Variants in PTPRO observed in about 807,000 individuals in gnomAD.
PTPRO encodes protein tyrosine phosphatase receptor type O.
Under a neutral mutation model 145.2 loss-of-function variants are expected in PTPRO, and 62 were observed. That is an observed-to-expected ratio of 0.43 (90% CI 0.35 to 0.53). The LOEUF (loss-of-function observed/expected upper bound fraction) is 0.53, where lower values mean the gene tolerates loss of function less well. Among genes scored for constraint, PTPRO ranks in the 20% least tolerant of loss-of-function variants. The pLI, the probability that PTPRO is intolerant of heterozygous loss-of-function variation, is 0.01. For synonymous variants in PTPRO, 565 were observed against 514.7 expected (o/e 1.10, Z -1.32); for missense variants, 1,345 against 1,482.7 (o/e 0.91, Z 1.53).
At chr12:15,458,533 AT>A (rs911777475) in intron 1 of PTPRO, among the ~76,000 whole-genome samples, 5 of 149,122 alleles carry the variant, frequency 3.4e-5, no homozygotes, top group African/African-American at 9.9e-5. Context: ...ACTCTTTTTC[AT>A]TTTTTTCTTT....
chr12:15,401,697 T>C (rs1477095569), intron 1 of PTPRO, among the ~76,000 whole-genome samples: 3 of 152,158 alleles, frequency 2.0e-5, no homozygotes, highest in Non-Finnish European at 4.4e-5. Context: ...ATTTCATAGG[T>C]CAATTTCATT....
At chr12:15,527,631 G>A (rs1270089138) in intron 12 of PTPRO, among the ~76,000 whole-genome samples, 1 of 152,200 alleles carries the variant, frequency 6.6e-6, no homozygotes, top group Non-Finnish European at 1.5e-5. Context: ...CACACTGCCA[G>A]GATAATTCCT....
At chr12:15,465,227 T>G (rs1271372775) in intron 1 of PTPRO, among the ~76,000 whole-genome samples, 1 of 152,238 alleles carries the variant, frequency 6.6e-6, no homozygotes, top group Non-Finnish European at 1.5e-5. Context: ...CATATTGTTG[T>G]TCCAGCCTTC....
At chr12:15,532,100 A>G (rs76379153) in intron 12 of PTPRO, among the ~76,000 whole-genome samples, 1 of 152,194 alleles carries the variant, frequency 6.6e-6, no homozygotes, top group Non-Finnish European at 1.5e-5. Context: ...AACTCAATGC[A>G]TAGGTCACTG....
At chr12:15,401,827 C>G (rs1453097331) in intron 1 of PTPRO, among the ~76,000 whole-genome samples, 1 of 152,114 alleles carries the variant, frequency 6.6e-6, no homozygotes, top group African/African-American at 2.4e-5. Context: ...CCTGAACATT[C>G]AATTTTCTAT....
chr12:15,363,613 G>A (rs1425985703), intron 1 of PTPRO, among the ~76,000 whole-genome samples: 4 of 151,732 alleles, frequency 2.6e-5, no homozygotes, highest in Non-Finnish European at 2.9e-5. Context: ...GAATTTAGAA[G>A]CTATATTTGA....
intron 1 of PTPRO, among the ~76,000 whole-genome samples, chr12:15,370,346 C>G (rs549130478): frequency 9.3e-5 from 14 of 150,452 alleles, no homozygotes; most frequent in African/African-American, 3.4e-4. Context: ...AATTTCACAT[C>G]TGTCATAACC....
chr12:15,469,533 T>C lies in PTPRO; in HGVS notation c.76-14441T>C, dbSNP rs76343298. Reference sequence around the variant, plus strand: ...CAGCCAAGCACAGCTTCCAGGTCTTTAAACTTCTCAGCACAGTAGGCCCTA... The same window carrying C: ...CAGCCAAGCACAGCTTCCAGGTCTTCAAACTTCTCAGCACAGTAGGCCCTA... On this transcript the variant is annotated intron_variant, in intron 1 of 26. Transcript: ENST00000281171. Among the ~76,000 whole-genome samples, 794 of 152,222 alleles carry C rather than the reference T, an allele frequency of 5.2e-3. 55 individuals are homozygous for C. In the East Asian group the frequency reaches 0.14, roughly 26 times the overall value.
intron 7 of PTPRO, among the ~76,000 whole-genome samples, chr12:15,514,547 C>T (rs892538990): frequency 1.3e-5 from 2 of 151,452 alleles, no homozygotes; most frequent in Non-Finnish European, 2.9e-5. Context: ...GCTACAACAG[C>T]CTGGCAGGGT....
chr12:15,322,642 G>A lies in PTPRO; in HGVS notation c.-85G>A. 1 of 1,195,070 alleles carries A rather than the reference G, an allele frequency of 8.4e-7. No individual in the cohort carries two copies. The highest frequency in any genetic ancestry group is 1.2e-6 in the Non-Finnish European group (1 of 822,536). The allele number at this position is 1,195,070 out of a possible 1,614,324, so 74.0% of individuals were successfully genotyped here. Reference sequence around the variant, plus strand: ...GCAACCTCGGCGCCCAGGGTCTGAGGCTGCAGCCCCAGTTCGCCATTGTGA... The same window carrying A: ...GCAACCTCGGCGCCCAGGGTCTGAGACTGCAGCCCCAGTTCGCCATTGTGA... On this transcript the variant is annotated 5_prime_UTR_variant, in exon 1 of 27. Transcript: ENST00000281171. The surrounding 1 kb of genome is among the most constrained non-coding windows in gnomAD (Gnocchi z 6.3).
At chr12:15,342,398 T>C (rs1389607546) in intron 1 of PTPRO, among the ~76,000 whole-genome samples, 1 of 150,140 alleles carries the variant, frequency 6.7e-6, no homozygotes, top group Non-Finnish European at 1.5e-5. Flanking sequence ...ATCTTTCATA[T>C]GTTATATTTG....
intron 1 of PTPRO, among the ~76,000 whole-genome samples, chr12:15,413,177 G>GC (rs1235156424): frequency 6.6e-6 from 1 of 151,842 alleles, no homozygotes; most frequent in East Asian, 1.9e-4. Flanking sequence ...TGCAACCTCT[G>GC]CCCCCCAGGT....
At chr12:15,375,556 G>C (rs547553260) in intron 1 of PTPRO, among the ~76,000 whole-genome samples, 13 of 152,018 alleles carry the variant, frequency 8.6e-5, no homozygotes, top group Non-Finnish European at 1.6e-4. Context: ...AGCAGTTTGA[G>C]ACCAGCCTGG....
intron 12 of PTPRO, among the ~76,000 whole-genome samples, chr12:15,540,408 T>C (rs1472676038): frequency 1.3e-5 from 2 of 152,254 alleles, no homozygotes; most frequent in Non-Finnish European, 2.9e-5. Context: ...TAAATGTTGT[T>C]ATGTGGATCA....
At chr12:15,557,247 G>A (rs370972568) in intron 15 of PTPRO, among the ~76,000 whole-genome samples, 14 of 152,120 alleles carry the variant, frequency 9.2e-5, no homozygotes, top group Non-Finnish European at 2.9e-5. Context: ...CGCCATGTTG[G>A]CGAAACTCCT....
chr12:15,459,347 C>G (rs749611081), intron 1 of PTPRO, among the ~76,000 whole-genome samples: 2 of 152,134 alleles, frequency 1.3e-5, no homozygotes, highest in Non-Finnish European at 2.9e-5. Context: ...CTCATTTGCA[C>G]TCTGAGACAG....
intron 1 of PTPRO, among the ~76,000 whole-genome samples, chr12:15,436,947 C>T (rs1161416109): frequency 2.0e-5 from 3 of 152,058 alleles, no homozygotes; most frequent in Non-Finnish European, 4.4e-5. Context: ...CAATCTGGAA[C>T]TGATCTGTGT....
chr12:15,383,582 C>T (rs1938930712), intron 1 of PTPRO, among the ~76,000 whole-genome samples: 1 of 152,120 alleles, frequency 6.6e-6, no homozygotes. Flanking sequence ...AGAACATGTG[C>T]CCAAGGTGAT....
chr12:15,480,564 C>A (rs146458815), intron 1 of PTPRO, among the ~76,000 whole-genome samples: 1 of 152,176 alleles, frequency 6.6e-6, no homozygotes, highest in Non-Finnish European at 1.5e-5. Context: ...CTTTAGGACC[C>A]CCTCCTTTTC....
Sources: gnomAD v4.1 joint callset for allele counts (sites outside exome capture counted in the v4.1 genomes callset) on GRCh38, gnomAD v4.1.1 for gene constraint, Gnocchi (gnomAD v3.1) non-coding constraint, MANE v1.5 for transcripts, NCBI Gene and HGNC (gene_info 2026-07-23, HGNC 2026-07-21) for gene names.